Variants in TMEM236 observed in about 807,000 individuals in gnomAD.
TMEM236 encodes the protein family with sequence similarity 23, member A.
In TMEM236, 11 loss-of-function variants were observed where a neutral mutation model predicts 14.7. The observed-to-expected ratio is 0.75, with a 90% CI of 0.47 to 1.24. The LOEUF is 1.24. TMEM236 is among the 50% of genes most tolerant of loss of function. TMEM236 has a pLI of 0.00. For synonymous variants in TMEM236, 182 were observed against 168.6 expected (o/e 1.08, Z -0.62); for missense variants, 464 against 427.3 (o/e 1.09, Z -0.76).
At chr10:17,765,362 A>G (rs1381865751) in intron 1 of TMEM236, among the ~76,000 whole-genome samples, 1 of 152,064 alleles carries the variant, frequency 6.6e-6, no homozygotes, top group Non-Finnish European at 1.5e-5. Flanking sequence ...ATTCATCTCA[A>G]CACCTCCAAA....
Position 17,752,340 on chromosome 10 carries a change from A to T in TMEM236, c.45A>T (p.Leu15=). 6.2e-7 allele frequency: 1 copy of T among 1,613,820 alleles called. No homozygotes were observed. Among genetic ancestry groups the T allele is most frequent in the Non-Finnish European group, 8.5e-7 (1 of 1,179,850 alleles). Residue 15 remains leucine (L), a synonymous_variant, in exon 1 of 4, where the codon CTA becomes CTT. Transcript: ENST00000377495. ...RLIKFVVFEL[L]EFAAFSIPTL... ...TTAAGTTCGTGGTTTTTGAGCTCCT[A>T]GAGTTTGCCGCTTTCTCCATCCCCA...
chr10:17,753,223 C>G (rs1292655844), intron 1 of TMEM236, among the ~76,000 whole-genome samples: 5 of 152,096 alleles, frequency 3.3e-5, no homozygotes, highest in African/African-American at 1.2e-4. Flanking sequence ...AGGGAATCCC[C>G]GTGATGCTTT....
chr10:17,793,176 C>G (rs1484953102), intron 3 of TMEM236, among the ~76,000 whole-genome samples: 2 of 152,184 alleles, frequency 1.3e-5, no homozygotes, highest in Admixed American at 6.5e-5. Flanking sequence ...CTCATTAAAA[C>G]CAAACTCCAG....
chr10:17,762,797 G>C (rs1554834099), intron 1 of TMEM236, among the ~76,000 whole-genome samples: 1 of 151,292 alleles, frequency 6.6e-6, no homozygotes, highest in African/African-American at 2.4e-5. Context: ...CTGGGCTACA[G>C]GTGTGCACTA....
chr10:17,754,781 C>A (rs1837259074), intron 1 of TMEM236, among the ~76,000 whole-genome samples: 1 of 152,212 alleles, frequency 6.6e-6, no homozygotes, highest in East Asian at 1.9e-4. Context: ...GTATACTGAT[C>A]CACATAAGGG....
At chr10:17,771,052 G>A (rs1837563478) in intron 1 of TMEM236, among the ~76,000 whole-genome samples, 2 of 152,260 alleles carry the variant, frequency 1.3e-5, no homozygotes, top group South Asian at 2.1e-4. Context: ...TTTGACTTGC[G>A]ATTTGATGCT....
chr10:17,783,529 T>C (rs1348556460), intron 3 of TMEM236, among the ~76,000 whole-genome samples: 1 of 152,140 alleles, frequency 6.6e-6, no homozygotes, highest in Non-Finnish European at 1.5e-5. Flanking sequence ...GCCTTCTGTG[T>C]GGTCTTTTAA....
intron 1 of TMEM236, 26 bp from the exon 2 acceptor site, chr10:17,771,283 T>G: frequency 6.2e-7 from 1 of 1,608,872 alleles, no homozygotes; most frequent in Non-Finnish European, 8.5e-7. Flanking sequence ...CATGATTGCT[T>G]TGGCTTATTT....
intron 1 of TMEM236, among the ~76,000 whole-genome samples, chr10:17,769,168 G>C (rs1837527745): frequency 6.6e-6 from 1 of 152,220 alleles, no homozygotes; most frequent in African/African-American, 2.4e-5. Flanking sequence ...GGCAAGAATA[G>C]AACCACCAAC....
chr10:17,779,863 C>T (rs1008462979), intron 3 of TMEM236, among the ~76,000 whole-genome samples: 1 of 152,134 alleles, frequency 6.6e-6, no homozygotes, highest in African/African-American at 2.4e-5. Context: ...CACTCCTGCT[C>T]GGCTCTGCTC....
chr10:17,757,492 T>C (rs1837300364), intron 1 of TMEM236, among the ~76,000 whole-genome samples: 2 of 151,126 alleles, frequency 1.3e-5, no homozygotes, highest in South Asian at 4.2e-4. Flanking sequence ...TCAGCTGCTC[T>C]GGGAGCTAAA....
chr10:17,781,185 G>A (rs1554835389), intron 3 of TMEM236, among the ~76,000 whole-genome samples: 1 of 152,160 alleles, frequency 6.6e-6, no homozygotes. Context: ...TCTGCAGCTC[G>A]ATTTTACAGG....
At chr10:17,775,538 T>A (rs1322208202) in intron 2 of TMEM236, among the ~76,000 whole-genome samples, 1 of 152,216 alleles carries the variant, frequency 6.6e-6, no homozygotes, top group Non-Finnish European at 1.5e-5. Context: ...CCCCGCAAAG[T>A]GCTGGGATTA....
At chr10:17,780,571 T>C (rs1837729337) in intron 3 of TMEM236, among the ~76,000 whole-genome samples, 1 of 151,640 alleles carries the variant, frequency 6.6e-6, no homozygotes, top group Admixed American at 6.6e-5. Flanking sequence ...TTTGCAGGAG[T>C]TTGTAGGTAG....
intron 1 of TMEM236, among the ~76,000 whole-genome samples, chr10:17,759,982 CA>C (rs35596189): frequency 0.029 from 1,605 of 54,602 alleles, 1 homozygote; most frequent in African/African-American, 0.041. Context: ...GACTCCGTCT[CA>C]AAAAAAAAAA....
chr10:17,782,880 C>G (rs1837776748), intron 3 of TMEM236, among the ~76,000 whole-genome samples: 2 of 152,120 alleles, frequency 1.3e-5, no homozygotes, highest in African/African-American at 4.8e-5. Flanking sequence ...CAGTTTTTAA[C>G]TATGATAAAT....
chr10:17,798,325 G>C lies in TMEM236; in HGVS notation c.*1821G>C, dbSNP rs1838048089. On this transcript the variant is annotated 3_prime_UTR_variant, in exon 4 of 4. Transcript: ENST00000377495. Reference sequence around the variant, plus strand: ...AGGTTGAGGCAGGTAGATCACTGGAGTCCAGGAGTCTGAGACCAGCCTGGG... The same window carrying C: ...AGGTTGAGGCAGGTAGATCACTGGACTCCAGGAGTCTGAGACCAGCCTGGG... 3.0e-6 allele frequency: 1 copy of C among 334,634 alleles called. No homozygotes were observed. Among genetic ancestry groups the C allele is most frequent in the African/African-American group, 2.2e-5 (1 of 46,220 alleles). The allele number at this position is 334,634 out of a possible 1,614,324, so 20.7% of individuals were successfully genotyped here. A position where few individuals can be genotyped will look rare whatever the true frequency, so the allele number is the denominator to read the frequency against.
intron 3 of TMEM236, among the ~76,000 whole-genome samples, chr10:17,787,358 C>T (rs1554835780): frequency 6.6e-6 from 1 of 152,214 alleles, no homozygotes; most frequent in African/African-American, 2.4e-5. Flanking sequence ...CCAGGTGCTC[C>T]CCATGTCTTC....
Position 17,796,341 on chromosome 10 carries a change from A to C in TMEM236, c.893A>C (p.Asp298Ala), listed in dbSNP as rs1199474315. 6.8e-6 allele frequency: 11 copies of C among 1,613,728 alleles called. No homozygotes were observed. Among genetic ancestry groups the C allele is most frequent in the Non-Finnish European group, 9.3e-6 (11 of 1,179,862 alleles). ...AATTCCCTGAGCGTCCTGCTGCAAG[A>C]TTTACCATTCGTTTTTGTTAGACTT... ...LLNSLSVLLQ[D>A]LPFVFVRLGL... Residue 298 changes from aspartate (D) to alanine (A), a missense_variant, in exon 4 of 4, where the codon GAT (aspartate) becomes GCT (alanine). Asp to Ala is a moderately radical substitution (Grantham distance 126). Coordinates refer to ENST00000377495, the MANE Select transcript of TMEM236 (RefSeq NM_001098844.3).
Sources: allele counts gnomAD v4.1 joint callset (sites outside exome capture counted in the v4.1 genomes callset), GRCh38; gene constraint gnomAD v4.1.1; transcripts MANE v1.5; gene names NCBI Gene and HGNC (gene_info 2026-07-23, HGNC 2026-07-21).